The following GALK2 variants were observed in gnomAD, a reference collection of about 807,000 sequenced individuals.
GALK2 encodes the protein N-acetylgalactosamine kinase.
A neutral mutation model predicts 52.4 loss-of-function variants in GALK2; 36 were observed. That is an observed-to-expected ratio of 0.69 (90% CI 0.53 to 0.91). The LOEUF (loss-of-function observed/expected upper bound fraction) is 0.91. GALK2 is among the 40% of genes least tolerant of loss of function. The pLI is 0.00. For synonymous variants in GALK2, 176 were observed against 199.1 expected (o/e 0.88, Z 0.98); for missense variants, 579 against 559.1 (o/e 1.04, Z -0.36).
intron 9 of GALK2, chr15:49,327,582 T>C (rs2037738713): frequency 6.3e-6 from 1 of 159,920 alleles, no homozygotes; most frequent in African/African-American, 2.4e-5. Flanking sequence ...ACATTTCTTT[T>C]ACCATTGCCT....
intron 1 of GALK2, among the ~76,000 whole-genome samples, chr15:49,182,138 C>G (rs976269410): frequency 6.6e-6 from 1 of 152,182 alleles, no homozygotes; most frequent in African/African-American, 2.4e-5. Flanking sequence ...CCCACTCCCT[C>G]ATCTCTGCTA....
At chr15:49,285,766 C>T (rs557547676) in intron 7 of GALK2, among the ~76,000 whole-genome samples, 1 of 152,268 alleles carries the variant, frequency 6.6e-6, no homozygotes, top group South Asian at 2.1e-4. Context: ...TCATCTCTTT[C>T]CCAATCATTC....
upstream of GALK2, among the ~76,000 whole-genome samples, chr15:49,168,271 G>A (rs771724153): frequency 3.3e-5 from 5 of 152,172 alleles, no homozygotes; most frequent in Non-Finnish European, 5.9e-5. Flanking sequence ...TACATATTCA[G>A]TAGGAAGTAT....
Position 49,230,602 on chromosome 15 carries a change from C to T in GALK2, c.267-5249C>T, listed in dbSNP as rs1451313756. ...AGATGCCTACAGGCATTCTTCTGTGCCTCCGACTTCATATTTTTTTTGATG... is the reference window on the plus strand; with the variant it reads ...AGATGCCTACAGGCATTCTTCTGTGTCTCCGACTTCATATTTTTTTTGATG... On this transcript the variant is annotated intron_variant, in intron 3 of 9. Coordinates refer to ENST00000560031, the MANE Select transcript of GALK2 (RefSeq NM_002044.4). Among the ~76,000 whole-genome samples the T allele has an allele frequency of 2.0e-5, 3 of 152,166 alleles. No individual in the cohort carries two copies. The East Asian group carries it at 5.8e-4, about 29-fold the overall frequency.
downstream of GALK2, among the ~76,000 whole-genome samples, chr15:49,334,705 A>G (rs1596248035): frequency 6.6e-6 from 1 of 152,134 alleles, no homozygotes; most frequent in Admixed American, 6.5e-5. Flanking sequence ...TGGATAGGAC[A>G]TAACTGGTGG....
chr15:49,360,070 C>G (rs1249912965), intron 3 of GALK2, among the ~76,000 whole-genome samples: 1 of 121,750 alleles, frequency 8.2e-6, no homozygotes, highest in Non-Finnish European at 1.6e-5. Context: ...AGGGGAATAT[C>G]ACACTCTGGG....
intron 7 of GALK2, among the ~76,000 whole-genome samples, chr15:49,284,905 C>G (rs973982650): frequency 1.3e-5 from 2 of 152,150 alleles, no homozygotes; most frequent in South Asian, 2.1e-4. Flanking sequence ...CTCTATTTCT[C>G]TACTAAATCC....
At chr15:49,325,535 T>A (rs1329469950) in intron 9 of GALK2, among the ~76,000 whole-genome samples, 1 of 152,254 alleles carries the variant, frequency 6.6e-6, no homozygotes, top group African/African-American at 2.4e-5. Flanking sequence ...AGAATTTCTA[T>A]GGCATATGCC....
At chr15:49,248,834 C>T (rs887957043) in intron 5 of GALK2, among the ~76,000 whole-genome samples, 4 of 152,136 alleles carry the variant, frequency 2.6e-5, no homozygotes, top group African/African-American at 9.6e-5. Context: ...TTACCTTTAG[C>T]GTAAACGAAG....
rs139978578 is a variant in GALK2 at position 49,283,642 on chromosome 15, A to G, written c.680A>G (p.Asn227Ser). 1 of 1,613,954 alleles carries G rather than the reference A, an allele frequency of 6.2e-7. No individual in the cohort carries two copies. The change falls in exon 7 of 10, where the codon AAC (asparagine) becomes AGC (serine). Residue 227 changes from asparagine (N) to serine (S), a missense_variant. By Grantham distance (46) the Asn-to-Ser change is conservative. Transcript: ENST00000560031. ...AGTGGAGCAGTGTTTGTGATTGCCA[A>G]CAGTTGTGTGGAGATGAATAAGGCA... ...LPSGAVFVIA[N>S]SCVEMNKAAT... is the part of the protein sequence containing the mutation.
chr15:49,255,862 A>C (rs1263056343), intron 5 of GALK2, among the ~76,000 whole-genome samples: 1 of 152,136 alleles, frequency 6.6e-6, no homozygotes, highest in East Asian at 1.9e-4. Context: ...CTTAAAAATC[A>C]CAAATTCTCA....
chr15:49,281,749 G>A (rs2127242), intron 5 of GALK2, among the ~76,000 whole-genome samples: 100,248 of 152,054 alleles, frequency 0.66, 33,632 homozygotes, highest in African/African-American at 0.74. Flanking sequence ...TAGGGATGGC[G>A]AAAACATAGT....
chr15:49,259,888 C>T (rs542165912), intron 5 of GALK2, among the ~76,000 whole-genome samples: 16 of 151,636 alleles, frequency 1.1e-4, no homozygotes, highest in South Asian at 4.2e-4. Context: ...GTTTCATCCA[C>T]GTCCCTACAA....
At chr15:49,274,894 C>T (rs73394324) in intron 5 of GALK2, among the ~76,000 whole-genome samples, 25,784 of 152,132 alleles carry the variant, frequency 0.17, 2,458 homozygotes, top group Non-Finnish European at 0.21. Context: ...ATGGATGGAG[C>T]TGTCATCTCC....
rs1218079911 is a variant in GALK2 at position 49,357,687 on chromosome 15, G to A, written c.427-9804G>A. On this transcript the variant is annotated intron_variant, in intron 3 of 3. Coordinates refer to the GALK2 transcript ENST00000558399. The stretch of plus-strand genomic sequence containing the variant: ...AGGAGGAACTGGTACCATTCCTTCT[G>A]AAACTATTCCAATCAATAGAAAAAG... Among the ~76,000 whole-genome samples the A allele has an allele frequency of 4.0e-5, 6 of 151,888 alleles. No homozygotes were observed. In the South Asian group the frequency reaches 1.2e-3, roughly 32 times the overall value.
intron 1 of GALK2, among the ~76,000 whole-genome samples, chr15:49,161,366 A>C (rs1333150601): frequency 1.3e-5 from 2 of 152,226 alleles, no homozygotes; most frequent in African/African-American, 4.8e-5. Context: ...TAGTTGGATA[A>C]ATAAAAATGT....
At chr15:49,162,001 G>A (rs1194012134) in intron 1 of GALK2, 2 of 152,326 alleles carry the variant, frequency 1.3e-5, no homozygotes, top group Non-Finnish European at 2.9e-5. Context: ...CTACAGGCAT[G>A]AGCCACCACT....
chr15:49,205,444 A>C (rs1471932866), intron 2 of GALK2, among the ~76,000 whole-genome samples: 3 of 152,144 alleles, frequency 2.0e-5, no homozygotes, highest in African/African-American at 4.8e-5. Context: ...AGGTGGTATC[A>C]CATTGTGGTT....
rs558009170 is a variant in GALK2, at chr15:49,329,806, TAAA to T, written c.*1662_*1664del. 7.8e-3 allele frequency: 5,657 copies of T among 722,838 alleles called. No homozygotes were observed. Among genetic ancestry groups the T allele is most frequent in the Middle Eastern group, 9.8e-3 (14 of 1,424 alleles). 44.8% of individuals were successfully genotyped at this position (722,838 alleles called of 1,614,324 possible). A position where few individuals can be genotyped will look rare whatever the true frequency, so the allele number is the denominator to read the frequency against. ...TTCTTTAAAGATACCTGGATCAGTG[TAAA>T]AAAAAAAAAAAAAAGGCACCTGTCA... On this transcript the variant is annotated 3_prime_UTR_variant, in exon 10 of 10. Coordinates refer to ENST00000560031, the MANE Select transcript of GALK2 (RefSeq NM_002044.4).
Sources: allele counts gnomAD v4.1 joint callset (sites outside exome capture counted in the v4.1 genomes callset), GRCh38; gene constraint gnomAD v4.1.1; transcripts MANE v1.5; gene names NCBI Gene and HGNC (gene_info 2026-07-23, HGNC 2026-07-21).